CDH13: variants seen among roughly 807,000 people sequenced by gnomAD.
The protein encoded by CDH13 is cadherin-13.
Under a neutral mutation model 63.8 loss-of-function variants are expected in CDH13, and 24 were observed. The observed-to-expected ratio is 0.38, with a 90% CI of 0.27 to 0.53. The LOEUF is 0.53. Among genes scored for constraint, CDH13 ranks in the 20% least tolerant of loss-of-function variants. CDH13 has a pLI of 0.85. For synonymous variants in CDH13, 503 were observed against 355.3 expected (o/e 1.42, Z -4.67); for missense variants, 1,049 against 903.1 (o/e 1.16, Z -2.07).
chr16:82,830,612 A>C (rs2038492821), intron 1 of CDH13, among the ~76,000 whole-genome samples: 1 of 152,194 alleles, frequency 6.6e-6, no homozygotes, highest in Non-Finnish European at 1.5e-5. Flanking sequence ...CTTATTTGTA[A>C]TGACATTAAT....
At chr16:82,980,362 A>G (rs1453134577) in intron 2 of CDH13, among the ~76,000 whole-genome samples, 1 of 152,214 alleles carries the variant, frequency 6.6e-6, no homozygotes, top group Non-Finnish European at 1.5e-5. Context: ...ACCAATCTCC[A>G]GGGACCAAAG....
intron 6 of CDH13, among the ~76,000 whole-genome samples, chr16:83,428,137 G>A (rs533164237): frequency 6.6e-6 from 1 of 152,290 alleles, no homozygotes; most frequent in African/African-American, 2.4e-5. Flanking sequence ...TTTGAATAGG[G>A]GGAAATGGCA....
At chr16:83,084,438 C>T (rs994966824) in intron 3 of CDH13, among the ~76,000 whole-genome samples, 13 of 152,196 alleles carry the variant, frequency 8.5e-5, no homozygotes, top group Admixed American at 4.6e-4. Context: ...ATTGTCAGAG[C>T]ATCTTTGTGG....
chr16:83,609,120 T>C (rs1176639489), intron 8 of CDH13, among the ~76,000 whole-genome samples: 2 of 152,206 alleles, frequency 1.3e-5, no homozygotes, highest in Non-Finnish European at 1.5e-5. Context: ...GTTTCTGTCA[T>C]ATATATGAGC....
intron 2 of CDH13, among the ~76,000 whole-genome samples, chr16:82,934,942 T>C (rs2042618692): frequency 6.6e-6 from 1 of 152,202 alleles, no homozygotes; most frequent in African/African-American, 2.4e-5. Flanking sequence ...TTCTGAGTCC[T>C]CCAAACTGTT....
chr16:83,558,906 G>A (rs1169599122), intron 7 of CDH13, among the ~76,000 whole-genome samples: 10 of 152,124 alleles, frequency 6.6e-5, no homozygotes, highest in African/African-American at 2.2e-4. Flanking sequence ...CAGTCACATC[G>A]GGTCCTCTGT....
intron 1 of CDH13, among the ~76,000 whole-genome samples, chr16:82,735,942 T>C (rs1217961815): frequency 6.6e-6 from 1 of 152,186 alleles, no homozygotes; most frequent in African/African-American, 2.4e-5. Flanking sequence ...GACGCTATAC[T>C]CACTAGGCTG....
chr16:83,016,819 T>C (rs2044617495), intron 2 of CDH13, among the ~76,000 whole-genome samples: 1 of 148,486 alleles, frequency 6.7e-6, no homozygotes, highest in East Asian at 2.1e-4. Context: ...TTTGGATCTT[T>C]TTGTACAAAA....
intron 2 of CDH13, among the ~76,000 whole-genome samples, chr16:82,959,255 A>C (rs1382024380): frequency 1.3e-5 from 2 of 152,240 alleles, no homozygotes; most frequent in East Asian, 3.8e-4. Flanking sequence ...TGACAGACAC[A>C]GGAAAGCGTT....
chr16:83,182,164 T>G (rs760017762), intron 4 of CDH13, among the ~76,000 whole-genome samples: 2 of 152,228 alleles, frequency 1.3e-5, no homozygotes, highest in Non-Finnish European at 2.9e-5. Context: ...TGATGCATTT[T>G]GAAAGGAAGT....
chr16:82,923,817 T>A (rs1024872440), intron 2 of CDH13, among the ~76,000 whole-genome samples: 1 of 152,222 alleles, frequency 6.6e-6, no homozygotes, highest in African/African-American at 2.4e-5. Context: ...TTAATTGCAT[T>A]TGAAACGAAC....
intron 6 of CDH13, among the ~76,000 whole-genome samples, chr16:83,472,867 C>T (rs1171869515): frequency 6.6e-6 from 1 of 152,148 alleles, no homozygotes; most frequent in East Asian, 1.9e-4. Context: ...ATCAAATGTG[C>T]ATTGTTAAGT....
chr16:83,483,331 A>G (rs1188158882), intron 6 of CDH13, among the ~76,000 whole-genome samples: 1 of 152,200 alleles, frequency 6.6e-6, no homozygotes, highest in African/African-American at 2.4e-5. Flanking sequence ...CCATTAAAAT[A>G]AAAACCATTT....
intron 3 of CDH13, among the ~76,000 whole-genome samples, chr16:83,043,218 A>C (rs1322852523): frequency 6.6e-6 from 1 of 152,208 alleles, no homozygotes; most frequent in African/African-American, 2.4e-5. Context: ...ATAACAGATT[A>C]CTTTAAGGAT....
rs187005752 is a variant in CDH13, at chr16:83,003,695, C to G, written c.158-28315C>G. 5.3e-5 allele frequency among the ~76,000 whole-genome samples: 8 copies of G among 152,322 alleles called. No individual in the cohort carries two copies. In the East Asian group the frequency reaches 1.4e-3, roughly 26 times the overall value. On this transcript the variant is annotated intron_variant, in intron 2 of 13. Transcript: ENST00000567109. Reference sequence around the variant, plus strand: ...GAACTAAAACTTAACTTACCTCTCTCTTCACATAGCATTAGAGCACAGAGA... The same window carrying G: ...GAACTAAAACTTAACTTACCTCTCTGTTCACATAGCATTAGAGCACAGAGA...
rs1304724238 is a variant in CDH13, at chr16:83,798,952, C to G, written c.*3922C>G. ...GTGCAAGATAACGTAATTATTTGCC[C>G]CTTCCCTTCCATGGCTTGTTAGCAG... On this transcript the variant is annotated 3_prime_UTR_variant, in exon 14 of 14. Coordinates refer to ENST00000567109, the MANE Select transcript of CDH13 (RefSeq NM_001257.5). 1.3e-5 allele frequency: 2 copies of G among 151,990 alleles called. No individual in the cohort carries two copies. The highest frequency in any genetic ancestry group is 2.4e-5 in the African/African-American group (1 of 41,378). 9.4% of individuals were successfully genotyped at this position (151,990 alleles called of 1,614,324 possible).
At chr16:83,000,341 C>G (rs1283328461) in intron 2 of CDH13, among the ~76,000 whole-genome samples, 3 of 139,526 alleles carry the variant, frequency 2.2e-5, no homozygotes, top group Non-Finnish European at 4.5e-5. Flanking sequence ...CTCCACCTCC[C>G]AGGTTCAAGC....
At chr16:83,658,994 C>A (rs1173098652) in intron 8 of CDH13, among the ~76,000 whole-genome samples, 4 of 129,504 alleles carry the variant, frequency 3.1e-5, no homozygotes, top group Admixed American at 8.1e-5. Context: ...TCCTCACCAC[C>A]AGGTCCCATG....
intron 7 of CDH13, among the ~76,000 whole-genome samples, chr16:83,489,940 G>T (rs12444050): frequency 0.3 from 45,060 of 151,688 alleles, 7,357 homozygotes; most frequent in African/African-American, 0.44. Context: ...CTCAAATTGC[G>T]TGTTGGAACA....
Sources: gnomAD v4.1 joint callset for allele counts (sites outside exome capture counted in the v4.1 genomes callset) on GRCh38, gnomAD v4.1.1 for gene constraint, MANE v1.5 for transcripts, NCBI Gene and HGNC (gene_info 2026-07-23, HGNC 2026-07-21) for gene names.